Variants in GFPT2 observed in about 807,000 individuals in gnomAD.
GFPT2 encodes the protein glutamine--fructose-6-phosphate transaminase 2, also known as glutamine--fructose-6-phosphate aminotransferase [isomerizing] 2.
In GFPT2, 62 loss-of-function variants were observed where a neutral mutation model predicts 85.6. The ratio of observed to expected loss-of-function variants is 0.72; its 90% CI spans 0.59 to 0.90. The LOEUF (loss-of-function observed/expected upper bound fraction) is 0.90. GFPT2 is among the 40% of genes least tolerant of loss of function. The pLI is 0.00. For missense variants in GFPT2, 788 were observed against 893.4 expected (o/e 0.88, Z 1.50); for synonymous variants, 368 against 344.5 (o/e 1.07, Z -0.75).
At chr5:180,340,865 A>G (rs973920690) in intron 1 of GFPT2, among the ~76,000 whole-genome samples, 30 of 152,084 alleles carry the variant, frequency 2.0e-4, no homozygotes, top group African/African-American at 6.3e-4. Flanking sequence ...CCATGTCCCT[A>G]TGACCTAATC....
intron 15 of GFPT2, among the ~76,000 whole-genome samples, chr5:180,310,728 G>C (rs542095913): frequency 6.7e-6 from 1 of 149,238 alleles, no homozygotes; most frequent in South Asian, 2.1e-4. Flanking sequence ...CCATTCTTAA[G>C]GGAAACTGGG....
intron 7 of GFPT2, among the ~76,000 whole-genome samples, chr5:180,325,281 G>A (rs1268807405): frequency 2.0e-5 from 3 of 152,162 alleles, no homozygotes; most frequent in African/African-American, 7.2e-5. Flanking sequence ...AGCCTCGACG[G>A]CAGCGCATCC....
At chr5:180,345,880 C>A (rs1452032620) in intron 1 of GFPT2, among the ~76,000 whole-genome samples, 1 of 152,160 alleles carries the variant, frequency 6.6e-6, no homozygotes, top group Non-Finnish European at 1.5e-5. Context: ...GGCAGGAGGT[C>A]CCTGAGTGCC....
intron 4 of GFPT2, chr5:180,331,780 C>T (rs773405112): frequency 9.6e-5 from 52 of 540,900 alleles, no homozygotes; most frequent in Non-Finnish European, 1.4e-4. Flanking sequence ...CAATGGGATC[C>T]GGAGGAAATA....
chr5:180,328,408 G>GGAGACGCACCTGGGC lies in GFPT2; in HGVS notation c.535-71_535-70insGCCCAGGTGCGTCTC. ...CTGCTGCAGCCTGGCCACAGCCCAG[G>GGAGACGCACCTGGGC]TGCGTCTCCCTGGGCCCCTCCTGAT... On this transcript the variant is annotated intron_variant, in intron 6 of 18. Transcript: ENST00000253778. This position sits in a 1 kb window ranked among gnomAD's most constrained non-coding sequence, Gnocchi z 5.4. The GGAGACGCACCTGGGC allele has an allele frequency of 2.4e-6, 3 of 1,257,252 alleles. No homozygotes were observed. The highest frequency in any genetic ancestry group is 2.3e-6 in the Non-Finnish European group (2 of 856,360). The allele number at this position is 1,257,252 out of a possible 1,614,324, so 77.9% of individuals were successfully genotyped here.
At position 180,335,917 on chromosome 5, in the gene GFPT2, G is replaced by A. The variant is rs1482606264; in HGVS notation, c.251C>T (p.Thr84Ile). The change falls in exon 4 of 19, where the codon ACA becomes ATA. Residue 84 changes from threonine (T) to isoleucine (I), a missense_variant. Physicochemically the swap from Thr to Ile is moderately conservative, Grantham distance 89. Transcript: ENST00000253778. ...GCGCGTGTGGGCAATGCCGAAGTGT[G>A]TCTCAAACTCCACTTTTAAGTCCAT... ...DSMDLKVEFETHFGIAHTRWA... is the reference protein window; with the variant it reads ...DSMDLKVEFEIHFGIAHTRWA... 4.4e-6 allele frequency: 7 copies of A among 1,573,674 alleles called. No homozygotes were observed. Among genetic ancestry groups the A allele is most frequent in the Non-Finnish European group, 6.0e-6 (7 of 1,166,138 alleles).
chr5:180,301,697 A>G (rs1487131361), intron 18 of GFPT2, 89 bp from the exon 19 acceptor site: 7 of 1,117,890 alleles, frequency 6.3e-6, no homozygotes, highest in Admixed American at 5.1e-5. Flanking sequence ...ACTTAAAAAC[A>G]AGAGACAGAT....
chr5:180,302,151 G>A lies in GFPT2; in HGVS notation c.2004+272C>T, dbSNP rs1320893552. Among the ~76,000 whole-genome samples the A allele has an allele frequency of 4.0e-5, 6 of 150,822 alleles. No individual in the cohort carries two copies. In the South Asian group the frequency reaches 1.1e-3, roughly 26 times the overall value. ...AAATACAAAAAATTAGCCAGGCATG[G>A]TGGCGGGTGCTTGTAGTCCCAGCTA... On this transcript the variant is annotated intron_variant, in intron 18 of 18. Transcript: ENST00000253778.
chr5:180,312,008 G>GGGCAGGGA (rs1763897386), intron 15 of GFPT2, among the ~76,000 whole-genome samples: 1 of 55,046 alleles, frequency 1.8e-5, no homozygotes, highest in Non-Finnish European at 3.6e-5. Context: ...GGAGGCTGAG[G>GGGCAGGGA]GGCAGGGAGG....
intron 10 of GFPT2, among the ~76,000 whole-genome samples, chr5:180,317,567 G>A (rs931253592): frequency 3.4e-5 from 5 of 145,444 alleles, no homozygotes; most frequent in Admixed American, 6.7e-5. Context: ...AGACCATCCC[G>A]GCTAAAACAG....
chr5:180,317,136 C>T, intron 10 of GFPT2, 78 bp from the exon 11 acceptor site: 1 of 952,382 alleles, frequency 1.0e-6, no homozygotes, highest in South Asian at 1.3e-5. Flanking sequence ...GATAGTAACT[C>T]CTGTAAAGCT....
rs1319605263 is a variant in GFPT2, at chr5:180,328,203, C to T, written c.596+74G>A. On this transcript the variant is annotated intron_variant, in intron 7 of 18. Coordinates refer to ENST00000253778, the MANE Select transcript of GFPT2 (RefSeq NM_005110.4). This position sits in a 1 kb window ranked among gnomAD's most constrained non-coding sequence, Gnocchi z 5.4. ...TTTCAGCGTGCCACAGGCCCTACCT[C>T]TCCCGTCTCCCTCCAGCTAAGTGAT... The T allele has an allele frequency of 8.7e-7, 1 of 1,145,832 alleles. No homozygotes were observed. Among genetic ancestry groups the T allele is most frequent in the Non-Finnish European group, 1.3e-6 (1 of 754,128 alleles). 71.0% of individuals were successfully genotyped at this position (1,145,832 alleles called of 1,614,324 possible).
intron 13 of GFPT2, among the ~76,000 whole-genome samples, chr5:180,314,745 G>A (rs773821359): frequency 1.8e-4 from 27 of 152,106 alleles, no homozygotes; most frequent in African/African-American, 5.8e-4. Flanking sequence ...GGAGTGTCAC[G>A]GGGTACTGCG....
chr5:180,315,149 T>TAGTA (rs796526204), intron 13 of GFPT2, among the ~76,000 whole-genome samples: 8 of 152,276 alleles, frequency 5.3e-5, no homozygotes, highest in African/African-American at 1.9e-4. Context: ...TTAGTTGTGG[T>TAGTA]AGTAACACCG....
chr5:180,318,796 T>C lies in GFPT2; in HGVS notation c.955A>G (p.Lys319Glu). 4 of 1,613,742 alleles carry C rather than the reference T, an allele frequency of 2.5e-6. No individual in the cohort carries two copies. The South Asian group carries it at 4.4e-5, about 18-fold the overall frequency. ...GTGGACTCTGGAGGACACCTGCCTT[T>C]CATGATTTGCTGCAGTTCCATCTGC... ...TLQMELQQIM[K>E]GNFSAFMQKE... The change falls in exon 10 of 19, where the codon AAA becomes GAA. Residue 319 changes from lysine to glutamate, a missense_variant. By Grantham distance (56) the Lys-to-Glu change is moderately conservative (BLOSUM62 1). Coordinates refer to ENST00000253778, the MANE Select transcript of GFPT2 (RefSeq NM_005110.4). This position sits in a 1 kb window ranked among gnomAD's most constrained non-coding sequence, Gnocchi z 4.2.
chr5:180,301,860 A>T (rs4700932), intron 18 of GFPT2, among the ~76,000 whole-genome samples: 5 of 151,500 alleles, frequency 3.3e-5, no homozygotes, highest in East Asian at 2.0e-4. Context: ...TTAAAGAATA[A>T]GGTTCATGCT....
rs1763951098 is a variant in GFPT2, at chr5:180,313,904, A to C, written c.1334T>G (p.Val445Gly). ...RYCKDRGALTVGVTNTVGSSI... is the reference protein window; with the variant it reads ...RYCKDRGALTGGVTNTVGSSI... The stretch of plus-strand genomic sequence containing the variant: ...GCTGCCCACGGTGTTGGTGACGCCC[A>C]CGGTGAGAGCGCCGCGGTCCTTACA... The change falls in exon 14 of 19, where the codon GTG becomes GGG. Residue 445 changes from valine (V) to glycine (G), a missense_variant. By Grantham distance (109) the Val-to-Gly change is moderately radical. Transcript: ENST00000253778. The C allele has an allele frequency of 6.2e-7, 1 of 1,606,702 alleles. No homozygotes were observed. The highest frequency in any genetic ancestry group is 8.5e-7 in the Non-Finnish European group (1 of 1,179,498).
intron 15 of GFPT2, among the ~76,000 whole-genome samples, chr5:180,309,443 G>C (rs530818198): frequency 8.2e-5 from 12 of 146,110 alleles, no homozygotes; most frequent in African/African-American, 2.9e-4. Context: ...TTTTCCAGAC[G>C]GAGTTTTGCT....
chr5:180,329,449 A>T (rs1271157422), intron 6 of GFPT2, among the ~76,000 whole-genome samples: 2 of 152,254 alleles, frequency 1.3e-5, no homozygotes. Flanking sequence ...TGTCATTATG[A>T]GAGAGGTATT....
Sources: gnomAD v4.1 joint callset for allele counts (sites outside exome capture counted in the v4.1 genomes callset) on GRCh38, gnomAD v4.1.1 for gene constraint, Gnocchi (gnomAD v3.1) non-coding constraint, MANE v1.5 for transcripts, NCBI Gene and HGNC (gene_info 2026-07-23, HGNC 2026-07-21) for gene names.